Variants in CPAMD8 observed in about 807,000 individuals in gnomAD.
The protein encoded by CPAMD8 is C3 and PZP-like alpha-2-macroglobulin domain-containing protein 8.
Under a neutral mutation model 224.7 loss-of-function variants are expected in CPAMD8, and 146 were observed. The observed-to-expected ratio is 0.65, with a 90% CI of 0.57 to 0.75. The LOEUF is 0.75. Among genes scored for constraint, CPAMD8 ranks in the 30% least tolerant of loss-of-function variants. The pLI is 0.00. For missense variants in CPAMD8, 2,301 were observed against 2,537.5 expected (o/e 0.91, Z 2.00); for synonymous variants, 966 against 1,044.6 (o/e 0.92, Z 1.45).
In CPAMD8 at chr19:16,914,427, T is replaced by C. The variant is rs759973851; in HGVS notation, c.3858A>G (p.Ser1286=). ...CCCAAACCCCTTCTGTACTCACCTC[T>C]GAGGCTGTGCCTGTTTCCAGGAGAG... ...VVALLETGTA[S]EEERGSTDKA... is the part of the protein sequence containing the mutation. The change falls in exon 29 of 42, where the codon TCA becomes TCG. Residue 1286 remains serine, a synonymous_variant. Coordinates refer to ENST00000443236, the MANE Select transcript of CPAMD8 (RefSeq NM_015692.5). 12 of 1,613,950 alleles carry C rather than the reference T, an allele frequency of 7.4e-6. No homozygotes were observed. The highest frequency in any genetic ancestry group is 1.7e-5 in the Admixed American group (1 of 60,006).
intron 26 of CPAMD8, among the ~76,000 whole-genome samples, chr19:16,923,659 G>C (rs1190316234): frequency 1.3e-5 from 2 of 152,200 alleles, no homozygotes; most frequent in African/African-American, 4.8e-5. Context: ...CCAATGACAG[G>C]CATCCTTGTA....
intron 30 of CPAMD8, among the ~76,000 whole-genome samples, chr19:16,905,377 C>T (rs1175341716): frequency 9.9e-5 from 15 of 151,620 alleles, no homozygotes; most frequent in African/African-American, 9.7e-5. Context: ...GTCAGGAGTT[C>T]GAGACCAGCC....
chr19:16,962,035 G>A (rs1489982363), intron 18 of CPAMD8, among the ~76,000 whole-genome samples: 24 of 152,182 alleles, frequency 1.6e-4, no homozygotes, highest in Non-Finnish European at 5.9e-5. Context: ...CCATCTGTAG[G>A]TTACCAGCAT....
chr19:17,005,785 T>C (rs12982365), intron 7 of CPAMD8, among the ~76,000 whole-genome samples: 40,196 of 151,904 alleles, frequency 0.26, 5,832 homozygotes, highest in African/African-American at 0.39. Context: ...ATGGCTAAAA[T>C]GGCTTTTTCC....
At chr19:17,017,568 T>C (rs529864222) in intron 3 of CPAMD8, among the ~76,000 whole-genome samples, 124 of 152,244 alleles carry the variant, frequency 8.1e-4, no homozygotes, top group Non-Finnish European at 6.3e-4. Context: ...AGATGTTGAG[T>C]TGCAGCTGTG....
At chr19:16,993,292 T>G in intron 12 of CPAMD8, 124 bp downstream of exon 12, 1 of 711,894 alleles carries the variant, frequency 1.4e-6, no homozygotes, top group Non-Finnish European at 2.3e-6. Context: ...TCTAGTGGAA[T>G]GTGTACTCCT....
At chr19:16,946,808 T>C (rs981165981) in intron 21 of CPAMD8, among the ~76,000 whole-genome samples, 12 of 152,224 alleles carry the variant, frequency 7.9e-5, no homozygotes, top group African/African-American at 2.7e-4. Context: ...TGTGTGTGTA[T>C]GCATGTCTGC....
At chr19:16,936,133 G>A (rs916888514) in intron 23 of CPAMD8, among the ~76,000 whole-genome samples, 2 of 151,850 alleles carry the variant, frequency 1.3e-5, no homozygotes, top group African/African-American at 4.8e-5. Context: ...TCATCATGTT[G>A]GCCAGGCTGG....
chr19:17,004,213 C>T (rs2056419252), intron 8 of CPAMD8, 60 bp downstream of exon 8: 1 of 1,231,610 alleles, frequency 8.1e-7, no homozygotes. Context: ...GCCTTCTTCA[C>T]CAGTTTCTAA....
intron 29 of CPAMD8, among the ~76,000 whole-genome samples, chr19:16,912,399 T>C (rs1422873902): frequency 2.6e-5 from 4 of 152,172 alleles, no homozygotes; most frequent in South Asian, 4.2e-4. Context: ...TTGGGAGAAG[T>C]GAAGTGACCT....
At chr19:16,907,728 C>G (rs2052580778) in intron 29 of CPAMD8, 1 of 152,468 alleles carries the variant, frequency 6.6e-6, no homozygotes, top group Non-Finnish European at 1.5e-5. Context: ...CCGCCTTGAC[C>G]TCCCCAGTAA....
chr19:16,919,891 G>A (rs181202621), intron 27 of CPAMD8, among the ~76,000 whole-genome samples: 14 of 152,320 alleles, frequency 9.2e-5, no homozygotes, highest in Admixed American at 8.5e-4. Flanking sequence ...CTAACAGGAC[G>A]GCACTGCACT....
At chr19:16,950,414 C>T (rs75219874) in intron 20 of CPAMD8, among the ~76,000 whole-genome samples, 8,024 of 152,190 alleles carry the variant, frequency 0.053, 681 homozygotes, top group African/African-American at 0.18. Flanking sequence ...CAAACCACTT[C>T]GCTCCAAGGT....
chr19:16,992,181 A>G (rs566119676), intron 12 of CPAMD8, among the ~76,000 whole-genome samples: 2 of 152,180 alleles, frequency 1.3e-5, no homozygotes, highest in African/African-American at 4.8e-5. Flanking sequence ...TTCTGGATCT[A>G]CTTCCTCAAG....
intron 29 of CPAMD8, among the ~76,000 whole-genome samples, chr19:16,909,699 G>A (rs1391502753): frequency 3.3e-5 from 5 of 151,236 alleles, no homozygotes; most frequent in Admixed American, 6.6e-5. Context: ...AACTGAGATC[G>A]CTCCATTGCA....
chr19:17,001,300 G>A (rs2056307359), intron 9 of CPAMD8, among the ~76,000 whole-genome samples: 2 of 137,150 alleles, frequency 1.5e-5, no homozygotes, highest in South Asian at 5.0e-4. Flanking sequence ...CAGCCTGGGC[G>A]ACAGAGTAAG....
In CPAMD8 at chr19:16,893,343, G is replaced by A; in HGVS notation, c.5427-4C>T. The A allele has an allele frequency of 6.6e-7, 1 of 1,519,126 alleles. No individual in the cohort carries two copies. Among genetic ancestry groups the A allele is most frequent in the South Asian group, 1.2e-5 (1 of 83,396 alleles). The allele number at this position is 1,519,126 out of a possible 1,614,324, so 94.1% of individuals were successfully genotyped here. A position where few individuals can be genotyped will look rare whatever the true frequency, so the allele number is the denominator to read the frequency against. On this transcript the variant is annotated splice_polypyrimidine_tract_variant and splice_region_variant and intron_variant, in intron 41 of 41. Coordinates refer to ENST00000443236, the MANE Select transcript of CPAMD8 (RefSeq NM_015692.5). ...AGGCCGAGGCCCGGCTGTGACCCTG[G>A]AGATGAGGTTTTATCTTACAACATC...
At chr19:16,951,048 A>T (rs1271246015) in intron 20 of CPAMD8, among the ~76,000 whole-genome samples, 1 of 152,188 alleles carries the variant, frequency 6.6e-6, no homozygotes, top group East Asian at 1.9e-4. Flanking sequence ...CACCTCTGGC[A>T]GACACTGGAA....
intron 21 of CPAMD8, among the ~76,000 whole-genome samples, chr19:16,946,027 T>C (rs1296497151): frequency 1.3e-5 from 2 of 151,954 alleles, no homozygotes; most frequent in East Asian, 3.9e-4. Flanking sequence ...GTACGTGTGT[T>C]TGTGTGTATA....
Sources: gnomAD v4.1 joint callset for allele counts (sites outside exome capture counted in the v4.1 genomes callset) on GRCh38, gnomAD v4.1.1 for gene constraint, MANE v1.5 for transcripts, NCBI Gene and HGNC (gene_info 2026-07-23, HGNC 2026-07-21) for gene names.